DAB1: variants seen among roughly 807,000 people sequenced by gnomAD.
The protein encoded by DAB1 is disabled homolog 1.
DAB1 carries 15 observed loss-of-function variants against 64.6 expected under a neutral mutation model. The observed-to-expected ratio is 0.23, with a 90% CI of 0.16 to 0.36. The LOEUF is 0.36. Ranked by LOEUF, DAB1 falls within the 10% of genes least tolerant of loss-of-function variation. DAB1 has a pLI of 1.00. For missense variants in DAB1, 596 were observed against 706.7 expected (o/e 0.84, Z 1.78); for synonymous variants, 235 against 251.9 (o/e 0.93, Z 0.64).
At chr1:58,386,712 C>G (rs982776086) in intron 3 of DAB1, among the ~76,000 whole-genome samples, 1 of 152,148 alleles carries the variant, frequency 6.6e-6, no homozygotes, top group Admixed American at 6.5e-5. Flanking sequence ...GAGATCCATA[C>G]CCTACCTCTT....
Position 57,677,322 on chromosome 1 carries a change from C to T in DAB1, n.552-27657G>A, listed in dbSNP as rs1646579897. Among the ~76,000 whole-genome samples the T allele has an allele frequency of 4.6e-5, 7 of 152,346 alleles. No homozygotes were observed. The South Asian group carries it at 1.4e-3, about 32-fold the overall frequency. ...GTGGACTAATACAGTCACTGTCTCT[C>T]TTTCTTTACATTAAGTCCTTCAGTG... is the stretch of plus-strand genomic sequence containing the variant. On this transcript the variant is annotated intron_variant and non_coding_transcript_variant, in intron 6 of 20. Coordinates refer to the DAB1 transcript ENST00000485760.
chr1:57,346,294 G>A (rs1045640665), intron 1 of DAB1, among the ~76,000 whole-genome samples: 6 of 152,328 alleles, frequency 3.9e-5, no homozygotes, highest in African/African-American at 4.8e-5. Flanking sequence ...ACTTGACTTC[G>A]TAGGTCAGAG....
intron 3 of DAB1, among the ~76,000 whole-genome samples, chr1:58,447,799 C>T (rs965744557): frequency 2.0e-5 from 3 of 150,732 alleles, no homozygotes; most frequent in African/African-American, 4.9e-5. Context: ...ATTCTAATGC[C>T]GTATATCAGA....
At chr1:58,543,130 CTTAA>C (rs1161112816) in intron 1 of DAB1, among the ~76,000 whole-genome samples, 13 of 152,170 alleles carry the variant, frequency 8.5e-5, no homozygotes, top group African/African-American at 1.7e-4. Context: ...ACTTCCTACA[CTTAA>C]TTGAGCTTCA....
chr1:57,707,354 C>CTTT (rs71051249), intron 6 of DAB1, among the ~76,000 whole-genome samples: 6 of 141,852 alleles, frequency 4.2e-5, no homozygotes, highest in Admixed American at 7.0e-5. Flanking sequence ...AAATAAGAAA[C>CTTT]TTTTTTTTTT....
intron 5 of DAB1, among the ~76,000 whole-genome samples, chr1:57,919,373 G>A (rs551623089): frequency 6.6e-6 from 1 of 152,336 alleles, no homozygotes; most frequent in Non-Finnish European, 1.5e-5. Context: ...GGAGCATGTA[G>A]ACATGTAAGT....
chr1:57,460,516 T>C (rs1049450417), intron 7 of DAB1, among the ~76,000 whole-genome samples: 1 of 152,216 alleles, frequency 6.6e-6, no homozygotes, highest in African/African-American at 2.4e-5. Context: ...AGTGTTATGC[T>C]TTTGCAATGG....
intron 2 of DAB1, among the ~76,000 whole-genome samples, chr1:57,218,515 T>TAAAAAAAAAAAAAAAAAAAAAAAA (rs776398255): frequency 8.4e-5 from 6 of 71,440 alleles, no homozygotes; most frequent in Non-Finnish European, 1.2e-4. Context: ...CCCCCATCTC[T>TAAAAAAAAAAAAAAAAAAAAAAAA]AAAAAAAAAA....
At chr1:57,857,247 A>G (rs538558763) in intron 1 of DAB1, among the ~76,000 whole-genome samples, 2 of 152,354 alleles carry the variant, frequency 1.3e-5, no homozygotes, top group African/African-American at 4.8e-5. Context: ...CTCACTTCTC[A>G]AAGTGCTGAG....
intron 6 of DAB1, among the ~76,000 whole-genome samples, chr1:57,686,828 G>T (rs1285529231): frequency 6.6e-6 from 1 of 152,088 alleles, no homozygotes; most frequent in Admixed American, 6.6e-5. Context: ...TGCAGAAAAA[G>T]CTCTTGATAG....
chr1:57,408,384 G>A (rs1683830128), intron 1 of DAB1, among the ~76,000 whole-genome samples: 1 of 152,162 alleles, frequency 6.6e-6, no homozygotes, highest in Non-Finnish European at 1.5e-5. Context: ...TGTAACTCAT[G>A]AATGCTTCTG....
At chr1:57,621,411 G>A (rs897809768) in intron 7 of DAB1, among the ~76,000 whole-genome samples, 1 of 151,478 alleles carries the variant, frequency 6.6e-6, no homozygotes, top group African/African-American at 2.4e-5. Context: ...GGAAGAGGGC[G>A]CAGAACTCAT....
intron 7 of DAB1, among the ~76,000 whole-genome samples, chr1:57,548,065 T>A (rs1644875251): frequency 6.6e-6 from 1 of 152,186 alleles, no homozygotes; most frequent in South Asian, 2.1e-4. Context: ...CATTGCCTAT[T>A]ATCTGTGTCT....
intron 5 of DAB1, among the ~76,000 whole-genome samples, chr1:57,072,006 C>G (rs1198073130): frequency 6.6e-6 from 1 of 150,894 alleles, no homozygotes; most frequent in African/African-American, 2.4e-5. Context: ...GTATACGGTG[C>G]CTCCATCCAG....
At chr1:58,103,425 C>G (rs368853868) in intron 5 of DAB1, among the ~76,000 whole-genome samples, 9 of 152,096 alleles carry the variant, frequency 5.9e-5, no homozygotes, top group Non-Finnish European at 1.2e-4. Context: ...AGCACGAAGG[C>G]TACCCATACC....
At chr1:57,703,547 G>C (rs9629011) in intron 6 of DAB1, among the ~76,000 whole-genome samples, 60,689 of 151,816 alleles carry the variant, frequency 0.4, 12,834 homozygotes, top group African/African-American at 0.55. Flanking sequence ...CAGATGCTGG[G>C]AAAGTTGTGG....
At chr1:57,856,152 C>T (rs149887070) in intron 1 of DAB1, among the ~76,000 whole-genome samples, 1 of 151,892 alleles carries the variant, frequency 6.6e-6, no homozygotes, top group Non-Finnish European at 1.5e-5. Context: ...CCTGGAGAGC[C>T]TAGAAAAGAG....
intron 4 of DAB1, among the ~76,000 whole-genome samples, chr1:57,115,019 G>A (rs1655986606): frequency 6.6e-6 from 1 of 152,064 alleles, no homozygotes; most frequent in Non-Finnish European, 1.5e-5. Flanking sequence ...AGTGTGCAGT[G>A]CATGGCCAAC....
At position 57,919,108 on chromosome 1, in the gene DAB1, T is replaced by C. The variant is rs1270796344; in HGVS notation, n.388-34946A>G. Among the ~76,000 whole-genome samples the C allele has an allele frequency of 6.6e-5, 10 of 152,348 alleles. No homozygotes were observed. The East Asian group carries it at 1.5e-3, about 24-fold the overall frequency. ...GAATCCTGGGTCCTCCCATTCACTATGTGTCCCTGGAATATGCCCCCTTAC... is the reference window on the plus strand; with the variant it reads ...GAATCCTGGGTCCTCCCATTCACTACGTGTCCCTGGAATATGCCCCCTTAC... On this transcript the variant is annotated intron_variant and non_coding_transcript_variant, in intron 5 of 20. Transcript: ENST00000485760.
Sources: gnomAD v4.1 joint callset for allele counts (sites outside exome capture counted in the v4.1 genomes callset) on GRCh38, gnomAD v4.1.1 for gene constraint, MANE v1.5 for transcripts, NCBI Gene and HGNC (gene_info 2026-07-23, HGNC 2026-07-21) for gene names.